Variants in C2orf49 observed in about 807,000 individuals in gnomAD.
C2orf49 encodes tRNA-splicing ligase complex subunit ASW.
A neutral mutation model predicts 20.6 loss-of-function variants in C2orf49; 11 were observed. That is an observed-to-expected ratio of 0.53 (90% confidence interval 0.34 to 0.88). The LOEUF is 0.88. Ranked by LOEUF, C2orf49 falls within the 40% of genes least tolerant of loss-of-function variation. The pLI is 0.02. For synonymous variants in C2orf49, 134 were observed against 108.5 expected (o/e 1.24, Z -1.46); for missense variants, 289 against 274.2 (o/e 1.05, Z -0.38).
chr2:105,382,333 C>A, the C2orf49 span, among the ~76,000 whole-genome samples: 1 of 152,232 alleles, frequency 6.6e-6, no homozygotes, highest in Non-Finnish European at 1.5e-5. Flanking sequence ...GGACTGACCA[C>A]ATCTGGCCCG....
At chr2:105,353,930 C>A (rs1458475759), downstream of C2orf49, among the ~76,000 whole-genome samples, 1 of 152,158 alleles carries the variant, frequency 6.6e-6, no homozygotes, top group African/African-American at 2.4e-5. Context: ...TTTACAAAGT[C>A]TTGTCCAAAG....
the C2orf49 span, among the ~76,000 whole-genome samples, chr2:105,383,082 C>T: frequency 3.3e-5 from 5 of 152,130 alleles, no homozygotes; most frequent in Admixed American, 1.3e-4. Flanking sequence ...GACGGGGTTT[C>T]GCCATGTTGG....
At chr2:105,361,344 C>G in the C2orf49 span, 1 of 1,614,058 alleles carries the variant, frequency 6.2e-7, no homozygotes, top group South Asian at 1.1e-5. Context: ...GAAGCCACGC[C>G]CCACCAGTGA....
the C2orf49 span, chr2:105,378,292 A>G: frequency 7.0e-6 from 3 of 429,136 alleles, 1 homozygote; most frequent in South Asian, 5.4e-5. Context: ...TATTATCCAC[A>G]TGTTACTGGA....
chr2:105,349,908 T>C (rs562396547), downstream of C2orf49, among the ~76,000 whole-genome samples: 4 of 152,232 alleles, frequency 2.6e-5, no homozygotes, highest in African/African-American at 9.6e-5. Context: ...AAGGCTGGAG[T>C]CAGCTTCCCA....
chr2:105,368,033 GTC>G, the C2orf49 span, among the ~76,000 whole-genome samples: 1 of 152,170 alleles, frequency 6.6e-6, no homozygotes. Flanking sequence ...AAAAAGTTAA[GTC>G]TCTCTCAGCA....
the C2orf49 span, among the ~76,000 whole-genome samples, chr2:105,354,975 C>G: frequency 6.6e-6 from 1 of 152,144 alleles, no homozygotes; most frequent in East Asian, 1.9e-4. Flanking sequence ...GAAGAGCTGA[C>G]AGGCTAAGAG....
the C2orf49 span, chr2:105,359,664 G>C: frequency 1.3e-5 from 2 of 152,212 alleles, no homozygotes; most frequent in African/African-American, 2.4e-5. Context: ...TTATTCCACA[G>C]ACTACTGCCA....
the C2orf49 span, among the ~76,000 whole-genome samples, chr2:105,382,327 T>C: frequency 1.3e-5 from 2 of 152,232 alleles, no homozygotes; most frequent in African/African-American, 2.4e-5. Context: ...TCATAAGGAC[T>C]GACCACATCT....
At position 105,339,606 on chromosome 2, in the gene C2orf49, T is replaced by C; in HGVS notation, c.123T>C (p.Asp41=). The C allele has an allele frequency of 6.3e-7, 1 of 1,596,428 alleles. No homozygotes were observed. Among genetic ancestry groups the C allele is most frequent in the Non-Finnish European group, 8.5e-7 (1 of 1,176,040 alleles). The change falls in exon 2 of 4, where the codon GAT becomes GAC. Residue 41 remains aspartate, a synonymous_variant. Transcript: ENST00000258457. The part of the protein sequence containing the change: ...LEQKNIAVET[D]VRVNKDSLTD... ...AGAAGAACATAGCTGTTGAAACTGA[T>C]GTAAGAGTAAACAAAGACAGTCTTA...
the C2orf49 span, among the ~76,000 whole-genome samples, chr2:105,371,546 ATCTCTCTCTCTC>A: frequency 0.079 from 11,209 of 141,072 alleles, 447 homozygotes; most frequent in African/African-American, 0.11. Flanking sequence ...ATCCCTTGAA[ATCTCTCTCTCTC>A]TCTCTCTCTC....
At chr2:105,352,289 T>C (rs1333078991), downstream of C2orf49, among the ~76,000 whole-genome samples, 3 of 152,192 alleles carry the variant, frequency 2.0e-5, no homozygotes, top group Non-Finnish European at 4.4e-5. Context: ...TTTTCTCTAT[T>C]AACAACAACA....
chr2:105,337,787 C>A (rs1490252807), intron 1 of C2orf49, 101 bp downstream of exon 1: 3 of 1,084,636 alleles, frequency 2.8e-6, no homozygotes, highest in Non-Finnish European at 3.9e-6. Flanking sequence ...ACGGACACTC[C>A]CGCCGGGTTT....
At chr2:105,344,207 G>A (rs1292138835) in intron 3 of C2orf49, among the ~76,000 whole-genome samples, 4 of 152,144 alleles carry the variant, frequency 2.6e-5, no homozygotes, top group African/African-American at 9.7e-5. Context: ...ACCAGGCTGC[G>A]ATTTGAATTT....
the C2orf49 span, among the ~76,000 whole-genome samples, chr2:105,367,090 A>G: frequency 1.3e-5 from 2 of 152,206 alleles, no homozygotes; most frequent in Admixed American, 6.5e-5. Context: ...GATACATTTA[A>G]TAAATGATCT....
chr2:105,373,776 A>G, the C2orf49 span: 11 of 1,608,278 alleles, frequency 6.8e-6, no homozygotes, highest in Admixed American at 8.3e-5. Flanking sequence ...GCAGGACAGG[A>G]GGGCTTGGAC....
chr2:105,357,269 T>C, the C2orf49 span, among the ~76,000 whole-genome samples: 1 of 152,210 alleles, frequency 6.6e-6, no homozygotes, highest in Non-Finnish European at 1.5e-5. Context: ...GTTTTTCAGA[T>C]TGTATAATTT....
the C2orf49 span, among the ~76,000 whole-genome samples, chr2:105,366,644 CAG>C: frequency 2.6e-5 from 4 of 152,336 alleles, no homozygotes; most frequent in Middle Eastern, 3.4e-3. Context: ...GGCAACTGGG[CAG>C]AGAGATGGCT....
At chr2:105,371,546 ATCTCTCTCTC>A in the C2orf49 span, among the ~76,000 whole-genome samples, 135 of 141,088 alleles carry the variant, frequency 9.6e-4, no homozygotes, top group Middle Eastern at 3.6e-3. Context: ...ATCCCTTGAA[ATCTCTCTCTC>A]TCTCTCTCTC....
Sources: gnomAD v4.1 joint callset for allele counts (sites outside exome capture counted in the v4.1 genomes callset) on GRCh38, gnomAD v4.1.1 for gene constraint, MANE v1.5 for transcripts, NCBI Gene and HGNC (gene_info 2026-07-23, HGNC 2026-07-21) for gene names.